Variants in TENM2 observed in about 807,000 individuals in gnomAD.
TENM2 encodes the protein teneurin-2.
Under a neutral mutation model 245.2 loss-of-function variants are expected in TENM2, and 52 were observed. The observed-to-expected ratio is 0.21, with a 90% CI of 0.17 to 0.27. The LOEUF (loss-of-function observed/expected upper bound fraction) is 0.27. Ranked by LOEUF, TENM2 falls within the 10% of genes least tolerant of loss-of-function variation. TENM2 has a pLI of 1.00. For synonymous variants in TENM2, 1,363 were observed against 1,438.9 expected (o/e 0.95, Z 1.19); for missense variants, 3,046 against 3,666.8 (o/e 0.83, Z 4.37).
At chr5:167,137,306 T>G in the TENM2 span, among the ~76,000 whole-genome samples, 8 of 152,230 alleles carry the variant, frequency 5.3e-5, no homozygotes, top group African/African-American at 1.9e-4. Context: ...CCTTGATCTC[T>G]TTCTTAGTAT....
chr5:168,167,488 C>T (rs1758409210), intron 13 of TENM2, among the ~76,000 whole-genome samples: 1 of 152,176 alleles, frequency 6.6e-6, no homozygotes, highest in South Asian at 2.1e-4. Flanking sequence ...TTTCTCCCAT[C>T]TGTGGGCAGC....
the TENM2 span, among the ~76,000 whole-genome samples, chr5:167,037,918 A>G: frequency 6.6e-6 from 1 of 152,324 alleles, no homozygotes; most frequent in Admixed American, 6.5e-5. Flanking sequence ...CAACACGGCT[A>G]GGGGTAGGAG....
At chr5:167,442,520 A>G (rs1241199899) in intron 2 of TENM2, among the ~76,000 whole-genome samples, 3 of 152,124 alleles carry the variant, frequency 2.0e-5, no homozygotes, top group Non-Finnish European at 2.9e-5. Flanking sequence ...TCCATTTCCC[A>G]TGATCTTACC....
intron 1 of TENM2, among the ~76,000 whole-genome samples, chr5:167,366,599 A>G (rs1424902511): frequency 1.3e-5 from 2 of 152,190 alleles, no homozygotes; most frequent in Non-Finnish European, 2.9e-5. Flanking sequence ...TTTTTAAAAC[A>G]GACATTCTAA....
At chr5:167,825,880 A>C (rs1298705703) in intron 2 of TENM2, among the ~76,000 whole-genome samples, 2 of 150,544 alleles carry the variant, frequency 1.3e-5, no homozygotes, top group Admixed American at 6.6e-5. Context: ...AAAAAAAAAA[A>C]CAACTGTGAC....
chr5:167,385,846 TTATA>T (rs757382669), intron 2 of TENM2, among the ~76,000 whole-genome samples: 1 of 140,762 alleles, frequency 7.1e-6, no homozygotes, highest in African/African-American at 2.8e-5. Flanking sequence ...TAGTATTCCA[TTATA>T]TATATATGTG....
At chr5:167,531,661 A>C (rs1771510399) in intron 2 of TENM2, among the ~76,000 whole-genome samples, 1 of 149,288 alleles carries the variant, frequency 6.7e-6, no homozygotes. Context: ...CCTCTCACCC[A>C]CCCCTTTCTC....
the TENM2 span, among the ~76,000 whole-genome samples, chr5:167,222,311 T>C: frequency 6.6e-6 from 1 of 152,202 alleles, no homozygotes; most frequent in Non-Finnish European, 1.5e-5. Flanking sequence ...AAACTTTTTA[T>C]AAATTATTAT....
intron 13 of TENM2, among the ~76,000 whole-genome samples, chr5:168,177,687 A>C (rs1236877581): frequency 2.0e-5 from 3 of 152,200 alleles, no homozygotes; most frequent in African/African-American, 4.8e-5. Flanking sequence ...AAATTAAAAA[A>C]TTAGCTGGGC....
intron 12 of TENM2, among the ~76,000 whole-genome samples, chr5:168,158,114 G>A (rs1040665685): frequency 2.6e-5 from 4 of 152,036 alleles, no homozygotes; most frequent in African/African-American, 9.7e-5. Flanking sequence ...GTAGACATGA[G>A]ATTTCACCAT....
intron 2 of TENM2, among the ~76,000 whole-genome samples, chr5:167,523,535 C>G (rs996163614): frequency 6.6e-6 from 1 of 151,942 alleles, no homozygotes; most frequent in African/African-American, 2.4e-5. Flanking sequence ...TTTGTGTCTA[C>G]GTGTTTATGT....
At chr5:167,859,337 G>A (rs1358476479) in intron 2 of TENM2, among the ~76,000 whole-genome samples, 99 of 148,174 alleles carry the variant, frequency 6.7e-4, no homozygotes, top group African/African-American at 2.4e-3. Flanking sequence ...TGGGAAGTGA[G>A]GAGCGTCTCC....
chr5:167,799,115 A>G (rs73801401), intron 2 of TENM2, among the ~76,000 whole-genome samples: 10,651 of 152,222 alleles, frequency 0.07, 448 homozygotes, highest in Middle Eastern at 0.11. Context: ...GGACCCATGC[A>G]TCTGGTCTCC....
chr5:167,852,373 T>C (rs1431762928), intron 2 of TENM2, among the ~76,000 whole-genome samples: 1 of 152,230 alleles, frequency 6.6e-6, no homozygotes, highest in East Asian at 1.9e-4. Context: ...TTTTCAGTGG[T>C]GTTTTTCCCA....
At chr5:167,518,450 G>T (rs1375237307) in intron 2 of TENM2, among the ~76,000 whole-genome samples, 1 of 152,130 alleles carries the variant, frequency 6.6e-6, no homozygotes, top group Non-Finnish European at 1.5e-5. Flanking sequence ...TCATTAGATT[G>T]AATCATATAT....
intron 2 of TENM2, among the ~76,000 whole-genome samples, chr5:167,856,035 C>T (rs974400623): frequency 6.6e-6 from 1 of 152,130 alleles, no homozygotes; most frequent in African/African-American, 2.4e-5. Flanking sequence ...GATGGAAATT[C>T]CCTGTTAGTC....
the TENM2 span, among the ~76,000 whole-genome samples, chr5:167,203,972 T>C: frequency 6.6e-6 from 1 of 152,002 alleles, no homozygotes; most frequent in Non-Finnish European, 1.5e-5. Context: ...TGCATTATAA[T>C]GCAATGAGTT....
chr5:167,661,809 G>A (rs1378935554), intron 2 of TENM2, among the ~76,000 whole-genome samples: 1 of 151,524 alleles, frequency 6.6e-6, no homozygotes, highest in East Asian at 1.9e-4. Flanking sequence ...GTCTCCCTCT[G>A]GCTTAGATGG....
intron 2 of TENM2, among the ~76,000 whole-genome samples, chr5:167,702,627 T>C (rs1000636964): frequency 6.7e-6 from 1 of 150,090 alleles, no homozygotes; most frequent in Non-Finnish European, 1.5e-5. Flanking sequence ...ACTGCTGTGT[T>C]TTTTTGTTTT....
Sources: gnomAD v4.1 joint callset for allele counts (sites outside exome capture counted in the v4.1 genomes callset) on GRCh38, gnomAD v4.1.1 for gene constraint, MANE v1.5 for transcripts, NCBI Gene and HGNC (gene_info 2026-07-23, HGNC 2026-07-21) for gene names.